EDAR: variants seen among roughly 807,000 people sequenced by gnomAD.
The protein encoded by EDAR is ectodysplasin A receptor.
A neutral mutation model predicts 51.3 loss-of-function variants in EDAR; 38 were observed. The observed-to-expected ratio is 0.74, with a 90% CI of 0.57 to 0.97. The LOEUF is 0.97. Among genes scored for constraint, EDAR ranks in the 50% least tolerant of loss-of-function variants. EDAR has a pLI of 0.00. For synonymous variants in EDAR, 227 were observed against 242.1 expected (o/e 0.94, Z 0.58); for missense variants, 528 against 595.0 (o/e 0.89, Z 1.17).
intron 1 of EDAR, among the ~76,000 whole-genome samples, chr2:108,974,687 G>T (rs754404341): frequency 1.3e-5 from 2 of 151,434 alleles, no homozygotes; most frequent in African/African-American, 4.9e-5. Flanking sequence ...CCGAGATAGC[G>T]CCACTGCACT....
At chr2:108,924,248 G>T (rs1436025939) in intron 4 of EDAR, among the ~76,000 whole-genome samples, 8 of 152,208 alleles carry the variant, frequency 5.3e-5, no homozygotes, top group Non-Finnish European at 1.2e-4. Flanking sequence ...GACTGCTCAG[G>T]TCCTGCTCTC....
intron 10 of EDAR, 96 bp from the exon 11 acceptor site, chr2:108,906,464 C>A (rs1187699807): frequency 1.5e-5 from 20 of 1,292,860 alleles, no homozygotes; most frequent in Non-Finnish European, 2.1e-5. Flanking sequence ...AGCAGCTACG[C>A]CCAACACCAG....
chr2:108,969,446 T>C (rs1698201350), intron 1 of EDAR, among the ~76,000 whole-genome samples: 1 of 152,216 alleles, frequency 6.6e-6, no homozygotes. Context: ...CAAATGTTTA[T>C]GGGGCCAGAC....
rs1173845056 is a variant in EDAR at position 108,896,517 on chromosome 2, C to A, written c.*390G>T. On this transcript the variant is annotated 3_prime_UTR_variant, in exon 12 of 12. Transcript: ENST00000258443. ...GTTTGTAAACATACGTTCCTTCTGT[C>A]TTCTACTGGAGTGCAAACTCCTTAA... 5.2e-6 allele frequency: 1 copy of A among 192,142 alleles called. No homozygotes were observed. Among genetic ancestry groups the A allele is most frequent in the East Asian group, 1.2e-4 (1 of 8,260 alleles). 11.9% of individuals were successfully genotyped at this position (192,142 alleles called of 1,614,324 possible). A position where few individuals can be genotyped will look rare whatever the true frequency, so the allele number is the denominator to read the frequency against.
At chr2:108,901,380 CAAGTT>C (rs931889543) in intron 11 of EDAR, among the ~76,000 whole-genome samples, 41 of 152,252 alleles carry the variant, frequency 2.7e-4, no homozygotes, top group African/African-American at 9.6e-4. Flanking sequence ...GAGGAAAACT[CAAGTT>C]AACAATCTAA....
At chr2:108,977,555 C>T (rs1473271528) in intron 1 of EDAR, among the ~76,000 whole-genome samples, 1 of 152,280 alleles carries the variant, frequency 6.6e-6, no homozygotes, top group African/African-American at 2.4e-5. Flanking sequence ...CAGGCGTGAG[C>T]CACCGAGCCT....
intron 5 of EDAR, among the ~76,000 whole-genome samples, chr2:108,923,152 G>C (rs1697181968): frequency 6.6e-6 from 1 of 152,180 alleles, no homozygotes; most frequent in Non-Finnish European, 1.5e-5. Context: ...TGGCCAACCT[G>C]CACTAGAACC....
At chr2:108,898,979 GGAGAA>G (rs1301061783) in intron 11 of EDAR, among the ~76,000 whole-genome samples, 1 of 152,096 alleles carries the variant, frequency 6.6e-6, no homozygotes, top group Non-Finnish European at 1.5e-5. Context: ...CAGAAGGAGA[GGAGAA>G]GAGAGTGGGA....
At chr2:108,925,768 C>A (rs1482667547) in intron 4 of EDAR, among the ~76,000 whole-genome samples, 2 of 152,146 alleles carry the variant, frequency 1.3e-5, no homozygotes, top group Non-Finnish European at 2.9e-5. Flanking sequence ...CAGGCATGCA[C>A]CACGACGCCT....
At chr2:108,975,248 G>T (rs144919059) in intron 1 of EDAR, among the ~76,000 whole-genome samples, 2 of 152,178 alleles carry the variant, frequency 1.3e-5, no homozygotes, top group African/African-American at 4.8e-5. Context: ...TAGCAGCTGC[G>T]GCCTCAGGCA....
intron 1 of EDAR, among the ~76,000 whole-genome samples, chr2:108,985,749 G>C (rs1307891534): frequency 6.6e-6 from 1 of 152,182 alleles, no homozygotes; most frequent in Admixed American, 6.5e-5. Flanking sequence ...TTGCTAACTA[G>C]GATTTGTTTG....
intron 4 of EDAR, among the ~76,000 whole-genome samples, chr2:108,926,859 A>G (rs1697265710): frequency 6.6e-6 from 1 of 152,188 alleles, no homozygotes; most frequent in Non-Finnish European, 1.5e-5. Flanking sequence ...TTCAGGAATG[A>G]ACGCAGCCTT....
rs770784341 is a variant in EDAR at position 108,908,035 on chromosome 2, C to T, written c.804-16G>A. On this transcript the variant is annotated splice_polypyrimidine_tract_variant and intron_variant, in intron 9 of 11. Transcript: ENST00000258443. ...ATCGTTCTCGCTGCAAAAACAAGAG[C>T]GATGGTCATTAGCAGTGCCTGGGGG... 1.9e-5 allele frequency: 30 copies of T among 1,603,072 alleles called. No individual in the cohort carries two copies. The highest frequency in any genetic ancestry group is 4.4e-5 in the South Asian group (4 of 90,110).
At chr2:108,901,389 A>C (rs1696695493) in intron 11 of EDAR, among the ~76,000 whole-genome samples, 1 of 152,242 alleles carries the variant, frequency 6.6e-6, no homozygotes, top group Non-Finnish European at 1.5e-5. Flanking sequence ...TCAAGTTAAC[A>C]ATCTAAGCTC....
chr2:108,955,934 C>G (rs1161362803), intron 1 of EDAR, among the ~76,000 whole-genome samples: 1 of 150,002 alleles, frequency 6.7e-6, no homozygotes, highest in Non-Finnish European at 1.5e-5. Flanking sequence ...GAGGCTGAGG[C>G]AGAAGAATGG....
intron 9 of EDAR, among the ~76,000 whole-genome samples, chr2:108,909,790 G>A (rs1696881925): frequency 6.6e-6 from 1 of 152,206 alleles, no homozygotes; most frequent in Admixed American, 6.5e-5. Flanking sequence ...TGTGGTAAAC[G>A]CGGGAAAGGC....
chr2:108,987,875 C>T (rs1011175360), intron 1 of EDAR, among the ~76,000 whole-genome samples: 1 of 152,224 alleles, frequency 6.6e-6, no homozygotes, highest in African/African-American at 2.4e-5. Flanking sequence ...GTGGCTATGA[C>T]TTACAAATCT....
chr2:108,964,518 A>C (rs1250970583), intron 1 of EDAR, among the ~76,000 whole-genome samples: 1 of 152,178 alleles, frequency 6.6e-6, no homozygotes, highest in Non-Finnish European at 1.5e-5. Flanking sequence ...GGGGGAAAAA[A>C]ACCCCAACAA....
intron 1 of EDAR, among the ~76,000 whole-genome samples, chr2:108,944,931 G>A (rs928532992): frequency 6.6e-6 from 1 of 152,204 alleles, no homozygotes; most frequent in Non-Finnish European, 1.5e-5. Flanking sequence ...ATGAGCAGAA[G>A]GCCTAGGGTG....
Sources: allele counts gnomAD v4.1 joint callset (sites outside exome capture counted in the v4.1 genomes callset), GRCh38; gene constraint gnomAD v4.1.1; transcripts MANE v1.5; gene names NCBI Gene and HGNC (gene_info 2026-07-23, HGNC 2026-07-21).